Variants in CAST observed in about 807,000 individuals in gnomAD.
The protein encoded by CAST is calpastatin.
In CAST, 76 loss-of-function variants were observed where a neutral mutation model predicts 119.6. The observed-to-expected ratio is 0.64, with a 90% CI of 0.53 to 0.77. CAST has a LOEUF of 0.77. Among genes scored for constraint, CAST ranks in the 30% least tolerant of loss-of-function variants. The pLI, the probability that CAST is intolerant of heterozygous loss-of-function variation, is 0.00. For synonymous variants in CAST, 319 were observed against 331.6 expected, an observed-to-expected ratio of 0.96 and a Z score of 0.41; for missense variants, 953 against 946.5, an observed-to-expected ratio of 1.01 and a Z score of -0.09.
chr5:96,529,834 C>T, exon 1 of CAST: 1 of 435,694 alleles, frequency 2.3e-6, no homozygotes. Flanking sequence ...GAGGTGCCTT[C>T]TGCCATGATT....
At chr5:96,345,896 G>A in the CAST span, among the ~76,000 whole-genome samples, 2 of 152,170 alleles carry the variant, frequency 1.3e-5, no homozygotes, top group Non-Finnish European at 2.9e-5. Context: ...AAGTCAGGGT[G>A]TTTTTGTAAC....
intron 3 of CAST, among the ~76,000 whole-genome samples, chr5:96,718,954 G>A (rs996152146): frequency 8.5e-5 from 13 of 152,254 alleles, no homozygotes; most frequent in Admixed American, 5.2e-4. Context: ...GAGAGATCAC[G>A]GGGAGGCTGA....
At chr5:96,012,828 A>G in the CAST span, among the ~76,000 whole-genome samples, 2 of 152,078 alleles carry the variant, frequency 1.3e-5, no homozygotes, top group Non-Finnish European at 2.9e-5. Context: ...CAGTTGTGCC[A>G]TTTTTTTAGC....
chr5:96,373,481 T>C, the CAST span, among the ~76,000 whole-genome samples: 2 of 152,318 alleles, frequency 1.3e-5, no homozygotes, highest in African/African-American at 4.8e-5. Flanking sequence ...AGAGGATGTG[T>C]CCATTTGTCT....
At chr5:96,278,224 G>A in the CAST span, among the ~76,000 whole-genome samples, 1 of 152,084 alleles carries the variant, frequency 6.6e-6, no homozygotes, top group African/African-American at 2.4e-5. Context: ...CCTCATCTGT[G>A]GGGGAGTGGT....
chr5:96,238,357 T>TCTTCTTCTTCTTCTTCTTCTTCTC, the CAST span, among the ~76,000 whole-genome samples: 85 of 79,680 alleles, frequency 1.1e-3, no homozygotes, highest in South Asian at 2.0e-3. Flanking sequence ...ATCTTCATCT[T>TCTTCTTCTTCTTCTTCTTCTTCTC]CTTCTTCTCC....
At chr5:96,587,469 G>A (rs1177284670) in intron 1 of CAST, among the ~76,000 whole-genome samples, 3 of 152,190 alleles carry the variant, frequency 2.0e-5, no homozygotes, top group African/African-American at 4.8e-5. Flanking sequence ...TTGAATAGTT[G>A]CTACTTACGT....
chr5:96,710,126 T>A (rs1241085741), intron 3 of CAST, among the ~76,000 whole-genome samples: 1 of 152,244 alleles, frequency 6.6e-6, no homozygotes, highest in Non-Finnish European at 1.5e-5. Flanking sequence ...ATTTAGGTTC[T>A]TCAGTAACCT....
the CAST span, among the ~76,000 whole-genome samples, chr5:96,318,194 C>T: frequency 6.6e-6 from 1 of 152,234 alleles, no homozygotes; most frequent in East Asian, 1.9e-4. Flanking sequence ...CCTACTGGAG[C>T]AATTGCTCCC....
At chr5:96,539,137 C>T (rs1049345118) in intron 1 of CAST, among the ~76,000 whole-genome samples, 1 of 152,116 alleles carries the variant, frequency 6.6e-6, no homozygotes, top group Non-Finnish European at 1.5e-5. Context: ...AAAATATCAC[C>T]ATTTTTTAAG....
the CAST span, among the ~76,000 whole-genome samples, chr5:96,327,906 C>T: frequency 7.9e-5 from 12 of 152,196 alleles, no homozygotes; most frequent in East Asian, 1.7e-3. Context: ...TTTGGAAGTG[C>T]CTTACAATTT....
chr5:96,742,696 A>C lies in CAST; in HGVS notation c.1140A>C (p.Ser380=), dbSNP rs760498994. The C allele has an allele frequency of 1.4e-5, 22 of 1,613,910 alleles. No individual in the cohort carries two copies. Among genetic ancestry groups the C allele is most frequent in the Admixed American group, 1.7e-5 (1 of 59,994 alleles). The change falls in exon 16 of 32, where the codon TCA becomes TCC. Residue 380 remains serine, a synonymous_variant. Coordinates refer to ENST00000675179, the MANE Select transcript of CAST (RefSeq NM_001750.7). ...SDQALEALSA[S]LGTRQAEPEL... ...AAGCACTCGAGGCTCTGTCGGCTTC[A>C]CTGGGCACCCGGCAAGCAGAACCTG...
intron 1 of CAST, among the ~76,000 whole-genome samples, chr5:96,576,755 G>T (rs1312128951): frequency 1.3e-5 from 2 of 151,884 alleles, no homozygotes; most frequent in Non-Finnish European, 2.9e-5. Context: ...GTTGTTTGTG[G>T]TATTTCTTTT....
the CAST span, among the ~76,000 whole-genome samples, chr5:96,256,606 C>T: frequency 2.0e-5 from 3 of 151,184 alleles, no homozygotes. Flanking sequence ...AGTTATAACA[C>T]AATGCTAAGT....
chr5:96,741,838 G>A (rs1287585612), intron 15 of CAST: 1 of 355,128 alleles, frequency 2.8e-6, no homozygotes, highest in Non-Finnish European at 5.2e-6. Flanking sequence ...ATGATACACA[G>A]AAGGGCAGAA....
chr5:96,080,437 G>T, the CAST span, among the ~76,000 whole-genome samples: 81 of 152,314 alleles, frequency 5.3e-4, no homozygotes, highest in African/African-American at 1.8e-3. Context: ...TGGCTTGAAG[G>T]AGATAGTTTG....
the CAST span, among the ~76,000 whole-genome samples, chr5:95,986,753 A>G: frequency 9.2e-5 from 14 of 152,216 alleles, no homozygotes; most frequent in Non-Finnish European, 1.8e-4. Flanking sequence ...TATTTTTCAC[A>G]GTTAGATATC....
At chr5:96,743,597 TC>T in intron 16 of CAST, 2 of 1,604,472 alleles carry the variant, frequency 1.2e-6, no homozygotes, top group Non-Finnish European at 1.7e-6. Context: ...CCAGCAACAA[TC>T]CTTGAGTCTG....
At chr5:96,657,186 A>G (rs147999978), upstream of CAST, among the ~76,000 whole-genome samples, 442 of 152,360 alleles carry the variant, frequency 2.9e-3, 3 homozygotes, top group African/African-American at 0.01. Context: ...CTTGCTTTGC[A>G]GGATGGCTTT....
Sources: gnomAD v4.1 joint callset for allele counts (sites outside exome capture counted in the v4.1 genomes callset) on GRCh38, gnomAD v4.1.1 for gene constraint, MANE v1.5 for transcripts, NCBI Gene and HGNC (gene_info 2026-07-23, HGNC 2026-07-21) for gene names.